The following ERICH1 variants were observed in gnomAD, a reference collection of about 807,000 sequenced individuals.
ERICH1 encodes glutamate rich 1, also known as glutamate-rich protein 1.
Under a neutral mutation model 39.6 loss-of-function variants are expected in ERICH1, and 56 were observed. The observed-to-expected ratio is 1.41, with a 90% confidence interval of 1.14 to 1.77. The LOEUF (loss-of-function observed/expected upper bound fraction) is 1.77. ERICH1 is among the 40% of genes most tolerant of loss of function. ERICH1 has a pLI of 0.00. For synonymous variants in ERICH1, 313 were observed against 223.6 expected, an observed-to-expected ratio of 1.40 and a Z score of -3.57; for missense variants, 826 against 575.4, an observed-to-expected ratio of 1.44 and a Z score of -4.45.
chr8:694,748 T>A (rs1809741678), intron 2 of ERICH1, among the ~76,000 whole-genome samples: 1 of 152,222 alleles, frequency 6.6e-6, no homozygotes, highest in South Asian at 2.1e-4. Flanking sequence ...GGGTAATGTA[T>A]GGTTTACTGT....
chr8:692,558 G>T lies in ERICH1; in HGVS notation c.224C>A (p.Pro75His). Residue 75 changes from proline (P) to histidine (H), a missense_variant, in exon 3 of 6, where the codon CCT becomes CAT. Pro to His is a moderately conservative substitution (Grantham distance 77, BLOSUM62 -2). Transcript: ENST00000262109. ...CGGCCAACAGGGGACGTAGCCCTCA[G>T]GAGGCCCGCTGGCAGTGTAGAGCCG... ...ARRLYTASGP[P>H]EGYVPCWPEP... The T allele has an allele frequency of 6.2e-7, 1 of 1,613,670 alleles. No individual in the cohort carries two copies. The highest frequency in any genetic ancestry group is 8.5e-7 in the Non-Finnish European group (1 of 1,179,824).
chr8:638,932 G>T (rs62486207), intron 3 of ERICH1, among the ~76,000 whole-genome samples: 15,599 of 152,116 alleles, frequency 0.1, 877 homozygotes, highest in African/African-American at 0.11. Flanking sequence ...CTCCTGACAA[G>T]ACAGTTTTGA....
chr8:671,056 C>A (rs1279560060), intron 4 of ERICH1, among the ~76,000 whole-genome samples: 1 of 151,972 alleles, frequency 6.6e-6, no homozygotes, highest in Non-Finnish European at 1.5e-5. Flanking sequence ...CACCGGTCCC[C>A]AGGCTCCGAC....
At chr8:724,623 C>A (rs981854150) in intron 1 of ERICH1, among the ~76,000 whole-genome samples, 2 of 152,158 alleles carry the variant, frequency 1.3e-5, no homozygotes, top group East Asian at 3.9e-4. Flanking sequence ...TTGGGAAGGC[C>A]GTTCAGCAAG....
At chr8:681,437 G>T (rs1806095003) in intron 3 of ERICH1, among the ~76,000 whole-genome samples, 1 of 152,264 alleles carries the variant, frequency 6.6e-6, no homozygotes, top group Non-Finnish European at 1.5e-5. Flanking sequence ...GAGAGAAAAA[G>T]ATGTTTATGA....
rs1805143643 is a variant in ERICH1, at chr8:677,583, G to T, written c.305-3536C>A. ...TGCGCAGGTCTGACCAACCAGCCTGGTCCAGACGTCTTTGAACAGCAGCCT... is the reference window on the plus strand; with the variant it reads ...TGCGCAGGTCTGACCAACCAGCCTGTTCCAGACGTCTTTGAACAGCAGCCT... On this transcript the variant is annotated intron_variant, in intron 3 of 5. Coordinates refer to ENST00000262109, the MANE Select transcript of ERICH1 (RefSeq NM_207332.3). Among the ~76,000 whole-genome samples the T allele has an allele frequency of 2.0e-5, 3 of 152,192 alleles. No individual in the cohort carries two copies. In the South Asian group the frequency reaches 6.2e-4, roughly 32 times the overall value.
intron 3 of ERICH1, among the ~76,000 whole-genome samples, chr8:654,701 G>GAC (rs1424990754): frequency 1.3e-5 from 2 of 152,162 alleles, no homozygotes; most frequent in African/African-American, 4.8e-5. Context: ...CCACCACAGT[G>GAC]ACATCCCCCC....
chr8:668,970 C>T, intron 4 of ERICH1, 178 bp from the exon 5 acceptor site: 1 of 634,666 alleles, frequency 1.6e-6, no homozygotes, highest in South Asian at 2.0e-5. Context: ...CAAAATACCA[C>T]TGCATGAACG....
At chr8:675,115 C>T (rs1185288805) in intron 3 of ERICH1, among the ~76,000 whole-genome samples, 2 of 150,242 alleles carry the variant, frequency 1.3e-5, no homozygotes, top group Middle Eastern at 3.2e-3. Flanking sequence ...AGGACAGAGA[C>T]GTGGCGGCCC....
At chr8:722,204 A>AG in intron 1 of ERICH1, among the ~76,000 whole-genome samples, 1 of 152,002 alleles carries the variant, frequency 6.6e-6, no homozygotes, top group South Asian at 2.1e-4. Context: ...AAAAAGGCAG[A>AG]GGACGGAGTG....
At chr8:719,431 A>T (rs1371652542) in intron 1 of ERICH1, among the ~76,000 whole-genome samples, 1 of 152,184 alleles carries the variant, frequency 6.6e-6, no homozygotes, top group Non-Finnish European at 1.5e-5. Context: ...AGAACTGCAG[A>T]TGGGCGCTGG....
At chr8:723,040 GC>G (rs1817703046) in intron 1 of ERICH1, among the ~76,000 whole-genome samples, 1 of 152,210 alleles carries the variant, frequency 6.6e-6, no homozygotes, top group Non-Finnish European at 1.5e-5. Context: ...AGGTGTCTGG[GC>G]CATGGGGCAG....
At chr8:721,642 A>C (rs1279642213) in intron 1 of ERICH1, among the ~76,000 whole-genome samples, 2 of 152,226 alleles carry the variant, frequency 1.3e-5, no homozygotes, top group Admixed American at 6.5e-5. Context: ...GGAATGACAC[A>C]AGGACCCCAC....
Position 673,320 on chromosome 8 carries a change from C to A in ERICH1, c.1032G>T (p.Leu344Phe). The A allele has an allele frequency of 6.2e-7, 1 of 1,609,020 alleles. No individual in the cohort carries two copies. Among genetic ancestry groups the A allele is most frequent in the Non-Finnish European group, 8.5e-7 (1 of 1,175,692 alleles). ...NEKAHSILNF[L>F]KSTQEMYFYD... ...AAAAATACATTTCCTGTGTTGACTT[C>A]AAAAAATTTAGAATACTGTGTGCCT... The change falls in exon 4 of 6, where the codon TTG (leucine) becomes TTT (phenylalanine). Residue 344 changes from leucine (L) to phenylalanine (F), a missense_variant. By Grantham distance (22) the Leu-to-Phe change is conservative. Transcript: ENST00000262109.
chr8:634,168 C>CAAAAAAAAAAAAAAA (rs56687918), intron 3 of ERICH1, among the ~76,000 whole-genome samples: 14 of 91,946 alleles, frequency 1.5e-4, no homozygotes, highest in Non-Finnish European at 2.8e-4. Context: ...TCCTAAAACT[C>CAAAAAAAAAAAAAAA]AAAAAAAAAA....
At chr8:702,935 G>C (rs1812482785) in intron 2 of ERICH1, among the ~76,000 whole-genome samples, 1 of 152,234 alleles carries the variant, frequency 6.6e-6, no homozygotes, top group Non-Finnish European at 1.5e-5. Context: ...CGCACGCCTG[G>C]GGTTAGCTGA....
At chr8:721,321 G>T (rs1817257474) in intron 1 of ERICH1, among the ~76,000 whole-genome samples, 1 of 152,162 alleles carries the variant, frequency 6.6e-6, no homozygotes, top group African/African-American at 2.4e-5. Context: ...ATGCAAAATT[G>T]AATATTAATA....
chr8:701,130 G>C (rs1242341262), intron 2 of ERICH1, among the ~76,000 whole-genome samples: 1 of 152,240 alleles, frequency 6.6e-6, no homozygotes, highest in African/African-American at 2.4e-5. Flanking sequence ...GGGCCAAGAA[G>C]AACAGAGCAA....
chr8:663,857 T>G (rs1165808948), downstream of ERICH1, among the ~76,000 whole-genome samples: 1 of 152,108 alleles, frequency 6.6e-6, no homozygotes, highest in Non-Finnish European at 1.5e-5. Flanking sequence ...CCTCCCAGGT[T>G]CATGCCATTC....
Sources: allele counts gnomAD v4.1 joint callset (sites outside exome capture counted in the v4.1 genomes callset), GRCh38; gene constraint gnomAD v4.1.1; transcripts MANE v1.5; gene names NCBI Gene and HGNC (gene_info 2026-07-23, HGNC 2026-07-21).